The following RERE variants were observed in gnomAD, a reference collection of about 807,000 sequenced individuals.
RERE encodes the protein arginine-glutamic acid dipeptide repeats protein.
Under a neutral mutation model 146.1 loss-of-function variants are expected in RERE, and 40 were observed. The ratio of observed to expected loss-of-function variants is 0.27; its 90% CI spans 0.21 to 0.36. The LOEUF (loss-of-function observed/expected upper bound fraction) is 0.36. Among genes scored for constraint, RERE ranks in the 10% least tolerant of loss-of-function variants. RERE has a pLI of 1.00. For synonymous variants in RERE, 1,003 were observed against 866.0 expected (o/e 1.16, Z -2.78); for missense variants, 1,933 against 2,138.7 (o/e 0.90, Z 1.90).
Position 8,364,705 on chromosome 1 carries a change from G to T in RERE, c.1540+41C>A. 1 of 1,445,630 alleles carries T rather than the reference G, an allele frequency of 6.9e-7. No individual in the cohort carries two copies. 89.6% of individuals were successfully genotyped at this position (1,445,630 alleles called of 1,614,324 possible). A position where few individuals can be genotyped will look rare whatever the true frequency, so the allele number is the denominator to read the frequency against. ...AAATGTTCAGAACATGGAAGTGCTT[G>T]TGCCCCCGCCCCGCCCCAGGAGCGT... On this transcript the variant is annotated intron_variant, in intron 14 of 22. Transcript: ENST00000400908. This position sits in a 1 kb window ranked among gnomAD's most constrained non-coding sequence, Gnocchi z 5.1.
chr1:8,711,897 C>A (rs1639674726), intron 1 of RERE, among the ~76,000 whole-genome samples: 1 of 152,104 alleles, frequency 6.6e-6, no homozygotes, highest in South Asian at 2.1e-4. Flanking sequence ...GACATGTTTT[C>A]TCTAGTATTA....
At chr1:8,643,119 T>G (rs910692821) in intron 2 of RERE, among the ~76,000 whole-genome samples, 1 of 152,060 alleles carries the variant, frequency 6.6e-6, no homozygotes, top group Non-Finnish European at 1.5e-5. Flanking sequence ...CTGTGAAAGG[T>G]GGGGGGATCC....
Position 8,356,236 on chromosome 1 carries a change from G to A in RERE, c.4350C>T (p.Gly1450=), listed in dbSNP as rs372564547. ...QQDPLHQGSA[G]PVHPLVDPLT... ...GGGGGTCGACCAGCGGGTGAACGGG[G>A]CCTGCTGAACCTAAGGAAAGGACAA... The change falls in exon 21 of 23, where the codon GGC becomes GGT. Residue 1450 remains glycine, a synonymous_variant. Transcript: ENST00000400908. The surrounding 1 kb of genome is among the most constrained non-coding windows in gnomAD (Gnocchi z 5.2). 4.7e-5 allele frequency: 72 copies of A among 1,523,580 alleles called. No individual in the cohort carries two copies. Among genetic ancestry groups the A allele is most frequent in the Non-Finnish European group, 5.9e-5 (68 of 1,147,364 alleles). 94.4% of individuals were successfully genotyped at this position (1,523,580 alleles called of 1,614,324 possible).
chr1:8,752,670 C>G (rs1310175189), intron 1 of RERE, among the ~76,000 whole-genome samples: 1 of 152,110 alleles, frequency 6.6e-6, no homozygotes. Context: ...TTTTCCTATG[C>G]TACAGCAGAT....
chr1:8,557,666 A>T, intron 4 of RERE, 143 bp from the exon 5 acceptor site: 1 of 652,184 alleles, frequency 1.5e-6, no homozygotes, highest in Admixed American at 2.7e-5. Context: ...ACAACAATAC[A>T]TAAGTCAGTT....
At chr1:8,701,651 A>G (rs1161999989) in intron 1 of RERE, among the ~76,000 whole-genome samples, 1 of 152,208 alleles carries the variant, frequency 6.6e-6, no homozygotes, top group African/African-American at 2.4e-5. Context: ...ACCAGATCAA[A>G]TAACATTTCA....
At chr1:8,815,829 T>TTGTGTGTGTGTGTGTGTGTGTGTGTG (rs539845789) in intron 1 of RERE, among the ~76,000 whole-genome samples, 1 of 149,850 alleles carries the variant, frequency 6.7e-6, no homozygotes, top group Non-Finnish European at 1.5e-5. Flanking sequence ...CAGCTTGGTA[T>TTGTGTGTGTGTGTGTGTGTGTGTGTG]TGTGTGTGTG....
chr1:8,608,405 G>A (rs1646749147), intron 4 of RERE, among the ~76,000 whole-genome samples: 1 of 152,134 alleles, frequency 6.6e-6, no homozygotes, highest in South Asian at 2.1e-4. Context: ...ATGAGAAGCT[G>A]AGAAAGGAGA....
At chr1:8,484,071 T>C (rs1570315448) in intron 10 of RERE, among the ~76,000 whole-genome samples, 3 of 152,254 alleles carry the variant, frequency 2.0e-5, no homozygotes, top group Middle Eastern at 6.8e-3. Flanking sequence ...CCAATATCAG[T>C]TTAGTAAAAA....
chr1:8,487,690 T>TAAAGCA (rs1644920301), intron 10 of RERE, among the ~76,000 whole-genome samples: 1 of 152,086 alleles, frequency 6.6e-6, no homozygotes, highest in African/African-American at 2.4e-5. Flanking sequence ...TAGCAGAGGT[T>TAAAGCA]CAAGGAAGTG....
At chr1:8,736,988 A>G (rs1355367406) in intron 1 of RERE, among the ~76,000 whole-genome samples, 1 of 152,218 alleles carries the variant, frequency 6.6e-6, no homozygotes, top group Non-Finnish European at 1.5e-5. Flanking sequence ...TCTGAAAAAA[A>G]CAAATGATTA....
At chr1:8,435,682 C>T (rs142263845) in intron 11 of RERE, among the ~76,000 whole-genome samples, 1 of 152,302 alleles carries the variant, frequency 6.6e-6, no homozygotes, top group Non-Finnish European at 1.5e-5. Context: ...AAAAGTTACT[C>T]CATTTTTCAT....
intron 12 of RERE, among the ~76,000 whole-genome samples, chr1:8,398,790 A>G (rs1468015318): frequency 6.6e-6 from 1 of 152,192 alleles, no homozygotes; most frequent in Non-Finnish European, 1.5e-5. Flanking sequence ...CTTGCTATAC[A>G]TCGAAAAATT....
At chr1:8,647,637 A>ATGTATATG (rs1647380209) in intron 2 of RERE, among the ~76,000 whole-genome samples, 1 of 59,326 alleles carries the variant, frequency 1.7e-5, no homozygotes, top group African/African-American at 6.0e-5. Flanking sequence ...TATTTAAAAT[A>ATGTATATG]TGTATGTGTG....
intron 1 of RERE, among the ~76,000 whole-genome samples, chr1:8,732,161 T>A (rs888269102): frequency 7.9e-5 from 12 of 152,216 alleles, no homozygotes; most frequent in Admixed American, 7.9e-4. Context: ...TAAGCATTTG[T>A]CCAACTGACT....
At chr1:8,803,296 C>T (rs1486380281) in intron 1 of RERE, among the ~76,000 whole-genome samples, 1 of 151,942 alleles carries the variant, frequency 6.6e-6, no homozygotes, top group African/African-American at 2.4e-5. Context: ...GGTGGAACCC[C>T]ATCTCTACTA....
chr1:8,634,796 C>T lies in RERE; in HGVS notation c.326-10416G>A, dbSNP rs552012891. On this transcript the variant is annotated intron_variant, in intron 2 of 22. Transcript: ENST00000400908. Reference sequence around the variant, plus strand: ...TGTCACCCAGGCTGGAGTGCAGTGGCGCGATCTCGGTTCACTGCAAGCTCC... The same window carrying T: ...TGTCACCCAGGCTGGAGTGCAGTGGTGCGATCTCGGTTCACTGCAAGCTCC... Among the ~76,000 whole-genome samples the T allele has an allele frequency of 1.0e-3, 158 of 152,224 alleles. 1 individual carries two copies. The highest frequency in any genetic ancestry group is 1.4e-3 in the Non-Finnish European group (94 of 68,012).
chr1:8,389,458 C>T (rs2124422929), intron 12 of RERE, among the ~76,000 whole-genome samples: 2 of 152,318 alleles, frequency 1.3e-5, no homozygotes, highest in Admixed American at 1.3e-4. Context: ...ATTTCTGCTG[C>T]TGTGCGGCTC....
At chr1:8,528,456 T>TA (rs1375450968) in intron 7 of RERE, among the ~76,000 whole-genome samples, 2 of 152,182 alleles carry the variant, frequency 1.3e-5, no homozygotes, top group African/African-American at 4.8e-5. Context: ...ATACCATAGT[T>TA]ATGTAAGATA....
Sources: allele counts gnomAD v4.1 joint callset (sites outside exome capture counted in the v4.1 genomes callset), GRCh38; gene constraint gnomAD v4.1.1; non-coding constraint Gnocchi (gnomAD v3.1); transcripts MANE v1.5; gene names NCBI Gene and HGNC (gene_info 2026-07-23, HGNC 2026-07-21).